DHX33: variants seen among roughly 807,000 people sequenced by gnomAD.
The protein encoded by DHX33 is DEAH-box helicase 33.
DHX33 carries 42 observed loss-of-function variants against 72.5 expected under a neutral mutation model. The ratio of observed to expected loss-of-function variants is 0.58; its 90% confidence interval spans 0.45 to 0.75. The LOEUF (loss-of-function observed/expected upper bound fraction) is 0.75. DHX33 is among the 30% of genes least tolerant of loss of function. The probability of loss-of-function intolerance (pLI) is 0.00; values close to 1 mark genes in which losing one functional copy is unlikely to be tolerated. For missense variants in DHX33, 842 were observed against 917.5 expected, an observed-to-expected ratio of 0.92 and a Z score of 1.06; for synonymous variants, 358 against 366.1, an observed-to-expected ratio of 0.98 and a Z score of 0.25.
intron 1 of DHX33, 61 bp downstream of exon 1, chr17:5,468,510 A>G (rs1904978976): frequency 6.5e-7 from 1 of 1,548,918 alleles, no homozygotes. Context: ...ATGTAAGAAA[A>G]ACTGCTCTAG....
Position 5,441,928 on chromosome 17 carries a change from A to C in DHX33, c.*2277T>G, listed in dbSNP as rs1916450573. 1 of 151,936 alleles carries C rather than the reference A, an allele frequency of 6.6e-6. No individual in the cohort carries two copies. The highest frequency in any genetic ancestry group is 2.1e-4 in the South Asian group (1 of 4,822). 9.4% of individuals were successfully genotyped at this position (151,936 alleles called of 1,614,324 possible). ...CTTTTTTTTTCTGAGACCGTCTCAC[A>C]CTGTCGGCCAGGCTGGAATGCAGTG... On this transcript the variant is annotated 3_prime_UTR_variant, in exon 12 of 12. Transcript: ENST00000225296.
chr17:5,460,422 A>G (rs2151690235), intron 4 of DHX33, among the ~76,000 whole-genome samples: 1 of 152,086 alleles, frequency 6.6e-6, no homozygotes, highest in African/African-American at 2.4e-5. Context: ...GAACTGAATT[A>G]TTTTTCTTTT....
chr17:5,463,468 T>C, intron 2 of DHX33, 61 bp downstream of exon 2: 1 of 1,520,360 alleles, frequency 6.6e-7, no homozygotes, highest in Non-Finnish European at 9.0e-7. Flanking sequence ...TAAAAGGCAG[T>C]GGGCATGGGG....
chr17:5,467,058 G>A (rs1307489384), intron 1 of DHX33, among the ~76,000 whole-genome samples: 1 of 152,102 alleles, frequency 6.6e-6, no homozygotes, highest in African/African-American at 2.4e-5. Context: ...TCAACCAATC[G>A]GGCCTAGTAA....
chr17:5,450,312 G>A lies in DHX33; in HGVS notation c.1619C>T (p.Ser540Phe). 2 of 1,614,202 alleles carry A rather than the reference G, an allele frequency of 1.2e-6. No individual in the cohort carries two copies. The highest frequency in any genetic ancestry group is 2.2e-5 in the South Asian group (2 of 91,088). ...SVDSVLHNPP[S>F]RREEVQGVRK... ...GACCCCTTGCACTTCCTCTCGCCGG[G>A]AAGGAGGGTTGTGGAGGACGCTGTC... The change falls in exon 10 of 12, where the codon TCC becomes TTC. Residue 540 changes from serine to phenylalanine, a missense_variant. Coordinates refer to ENST00000225296, the MANE Select transcript of DHX33 (RefSeq NM_020162.4).
intron 10 of DHX33, 103 bp downstream of exon 10, chr17:5,450,100 A>G (rs1458828588): frequency 7.0e-7 from 1 of 1,425,824 alleles, no homozygotes; most frequent in Non-Finnish European, 9.7e-7. Context: ...TAATTTAGCC[A>G]AAAAGGGAAA....
intron 1 of DHX33, among the ~76,000 whole-genome samples, chr17:5,464,049 A>T (rs1234710656): frequency 6.6e-6 from 1 of 152,004 alleles, no homozygotes; most frequent in Non-Finnish European, 1.5e-5. Context: ...AAAGAAATGC[A>T]AATCGGCTGG....
At chr17:5,455,578 G>A (rs1917153858) in intron 5 of DHX33, among the ~76,000 whole-genome samples, 1 of 152,184 alleles carries the variant, frequency 6.6e-6, no homozygotes, top group Non-Finnish European at 1.5e-5. Context: ...TTGAGCAATT[G>A]TTACTTCCCT....
At chr17:5,467,907 C>T (rs576315861) in intron 1 of DHX33, among the ~76,000 whole-genome samples, 1 of 152,284 alleles carries the variant, frequency 6.6e-6, no homozygotes, top group South Asian at 2.1e-4. Flanking sequence ...GTGTTTCTTT[C>T]CTTTTTCTTT....
chr17:5,459,581 CA>C (rs1348284906), intron 4 of DHX33, among the ~76,000 whole-genome samples: 1 of 151,952 alleles, frequency 6.6e-6, no homozygotes, highest in Non-Finnish European at 1.5e-5. Context: ...AGGCATGCAC[CA>C]CCACACCTGG....
chr17:5,450,184 G>A lies in DHX33; in HGVS notation c.1728+19C>T. On this transcript the variant is annotated intron_variant, in intron 10 of 11. Coordinates refer to ENST00000225296, the MANE Select transcript of DHX33 (RefSeq NM_020162.4). ...GACAAGCAGCTATCGCTGGAGAACA[G>A]GTGCAAGACAAGGCTCACCTTATTT... is the stretch of plus-strand genomic sequence containing the variant. 5 of 1,613,814 alleles carry A rather than the reference G, an allele frequency of 3.1e-6. 1 individual carries two copies. The South Asian group carries it at 4.4e-5, about 14-fold the overall frequency.
In DHX33 at chr17:5,453,966, C is replaced by G. The variant is rs754981810; in HGVS notation, c.1162G>C (p.Val388Leu). The G allele has an allele frequency of 7.4e-6, 12 of 1,613,724 alleles. No homozygotes were observed. ...KKYNPDSGLE[V>L]LAVQRVSKTQ... ...TTCGATACCCGCTGCACTGCTAACA[C>G]CTCAAGACCACTGTCTGGATGGAGA... Residue 388 changes from valine to leucine, a missense_variant, in exon 7 of 12, where the codon GTG becomes CTG. Transcript: ENST00000225296.
chr17:5,448,933 T>C (rs761207748), intron 10 of DHX33, 38 bp from the exon 11 acceptor site: 1 of 1,520,784 alleles, frequency 6.6e-7, no homozygotes, highest in East Asian at 2.3e-5. Flanking sequence ...ATCCACTCAT[T>C]CACCATTTAT....
intron 7 of DHX33, 76 bp downstream of exon 7, chr17:5,453,745 G>A: frequency 5.6e-6 from 9 of 1,612,482 alleles, no homozygotes; most frequent in Non-Finnish European, 7.6e-6. Context: ...TGGAGTGTGA[G>A]TAAAAACTGC....
At position 5,442,137 on chromosome 17, in the gene DHX33, A is replaced by C. The variant is rs1200554032; in HGVS notation, c.*2068T>G. On this transcript the variant is annotated 3_prime_UTR_variant, in exon 12 of 12. Coordinates refer to ENST00000225296, the MANE Select transcript of DHX33 (RefSeq NM_020162.4). ...CTTGAACTTCTCAAGCAATCCACCC[A>C]CCTCAGCCTCCCATCCCAATGCTGG... 6.7e-6 allele frequency: 1 copy of C among 150,100 alleles called. No homozygotes were observed. The highest frequency in any genetic ancestry group is 1.5e-5 in the Non-Finnish European group (1 of 67,718). 9.3% of individuals were successfully genotyped at this position (150,100 alleles called of 1,614,324 possible). A position where few individuals can be genotyped will look rare whatever the true frequency, so the allele number is the denominator to read the frequency against.
In DHX33 at chr17:5,441,263, C is replaced by T. The variant is rs2151679353; in HGVS notation, c.*2942G>A. ...CCTCCATTCAGGCATCTCTTTACAA[C>T]TGGCAGCAATGCAGCATTAAGGGTT... On this transcript the variant is annotated 3_prime_UTR_variant, in exon 12 of 12. Coordinates refer to ENST00000225296, the MANE Select transcript of DHX33 (RefSeq NM_020162.4). The T allele has an allele frequency of 6.6e-6, 1 of 152,388 alleles. No homozygotes were observed. Among genetic ancestry groups the T allele is most frequent in the South Asian group, 2.1e-4 (1 of 4,832 alleles). 9.4% of individuals were successfully genotyped at this position (152,388 alleles called of 1,614,324 possible). A position where few individuals can be genotyped will look rare whatever the true frequency, so the allele number is the denominator to read the frequency against.
intron 9 of DHX33, 58 bp from the exon 10 acceptor site, chr17:5,450,464 C>T (rs535873693): frequency 1.9e-5 from 29 of 1,566,196 alleles, no homozygotes; most frequent in Non-Finnish European, 2.3e-5. Context: ...TTAGAATGCA[C>T]TATTTCTGTA....
chr17:5,461,519 T>C (rs1420216563), intron 3 of DHX33, among the ~76,000 whole-genome samples: 2 of 150,932 alleles, frequency 1.3e-5, no homozygotes, highest in Admixed American at 1.3e-4. Context: ...CTTGGGAGGC[T>C]GAGGTAAGCA....
rs758805514 is a variant in DHX33, at chr17:5,453,560, A to G, written c.1396+20T>C. On this transcript the variant is annotated intron_variant, in intron 8 of 11. Transcript: ENST00000225296. ...TTTGTCTCCTCACCCACCTTCTGCAAAACTGTGGATTTCACTTACCTGGAG... is the reference window on the plus strand; with the variant it reads ...TTTGTCTCCTCACCCACCTTCTGCAGAACTGTGGATTTCACTTACCTGGAG... The G allele has an allele frequency of 1.2e-6, 2 of 1,611,952 alleles. No homozygotes were observed. Among genetic ancestry groups the G allele is most frequent in the Non-Finnish European group, 1.7e-6 (2 of 1,178,012 alleles).
Sources: allele counts gnomAD v4.1 joint callset (sites outside exome capture counted in the v4.1 genomes callset), GRCh38; gene constraint gnomAD v4.1.1; transcripts MANE v1.5; gene names NCBI Gene and HGNC (gene_info 2026-07-23, HGNC 2026-07-21).